The following THOC7 variants were observed in gnomAD, a reference collection of about 807,000 sequenced individuals.
THOC7 encodes THO complex subunit 7.
THOC7 carries 22 observed loss-of-function variants against 33.1 expected under a neutral mutation model. That is an observed-to-expected ratio of 0.66 (90% CI 0.47 to 0.95). THOC7 has a LOEUF of 0.95. THOC7 is among the 40% of genes least tolerant of loss of function. The pLI is 0.00. For missense variants in THOC7, 184 were observed against 245.3 expected (o/e 0.75, Z 1.67); for synonymous variants, 77 against 76.8 (o/e 1.00, Z -0.01).
intron 5 of THOC7, 117 bp downstream of exon 5, chr3:63,836,184 A>G: frequency 1.1e-6 from 1 of 892,904 alleles, no homozygotes; most frequent in Non-Finnish European, 1.7e-6. Context: ...ATAATATTGA[A>G]TATCTGACCC....
chr3:63,835,366 T>C lies in THOC7; in HGVS notation c.435A>G (p.Glu145=), dbSNP rs747974118. Reference sequence around the variant, plus strand: ...CTTTAATGTGTGAAAGATGCTCTAATTCTTTTCCCAGAGCCTCTAGTTCCC... The same window carrying C: ...CTTTAATGTGTGAAAGATGCTCTAACTCTTTTCCCAGAGCCTCTAGTTCCC... ...TLKELEALGK[E]LEHLSHIKES... is the part of the protein sequence containing the mutation. Residue 145 remains glutamate, a synonymous_variant, in exon 6 of 8, where the codon GAA becomes GAG. Transcript: ENST00000295899. 1 of 1,613,430 alleles carries C rather than the reference T, an allele frequency of 6.2e-7. No homozygotes were observed. The highest frequency in any genetic ancestry group is 2.2e-5 in the East Asian group (1 of 44,782).
intron 1 of THOC7, among the ~76,000 whole-genome samples, chr3:63,857,612 T>C (rs1220874988): frequency 6.6e-6 from 1 of 152,142 alleles, no homozygotes; most frequent in East Asian, 1.9e-4. Context: ...ATTAAAACAA[T>C]TTTTAAGGTC....
At chr3:63,855,125 T>C (rs1465154927) in intron 1 of THOC7, among the ~76,000 whole-genome samples, 3 of 152,136 alleles carry the variant, frequency 2.0e-5, no homozygotes, top group Non-Finnish European at 4.4e-5. Flanking sequence ...ATGAGATACA[T>C]ATTTGCTCAT....
chr3:63,847,134 G>A (rs1295176206), intron 1 of THOC7, among the ~76,000 whole-genome samples: 1 of 151,968 alleles, frequency 6.6e-6, no homozygotes, highest in Non-Finnish European at 1.5e-5. Context: ...ATTGGAAAAA[G>A]GACTGCTAAA....
intron 1 of THOC7, chr3:63,848,573 T>C (rs559807800): frequency 6.6e-6 from 1 of 152,318 alleles, no homozygotes; most frequent in South Asian, 2.1e-4. Context: ...TCGGCACATC[T>C]CAGGACCTCC....
intron 1 of THOC7, among the ~76,000 whole-genome samples, chr3:63,850,722 G>T (rs1420724911): frequency 6.6e-6 from 1 of 151,608 alleles, no homozygotes; most frequent in Non-Finnish European, 1.5e-5. Context: ...TAGTAGCTGG[G>T]ATTACAGGTG....
chr3:63,850,789 T>C (rs1322442004), intron 1 of THOC7, among the ~76,000 whole-genome samples: 1 of 151,932 alleles, frequency 6.6e-6, no homozygotes, highest in Non-Finnish European at 1.5e-5. Context: ...TTTCACCATG[T>C]TGGTTAGGCT....
rs143457856 is a variant in THOC7, at chr3:63,839,812, G to T, written c.20-39C>A. On this transcript the variant is annotated intron_variant, in intron 1 of 7. Coordinates refer to ENST00000295899, the MANE Select transcript of THOC7 (RefSeq NM_025075.4). The stretch of plus-strand genomic sequence containing the variant: ...GGGCAATGTTACCATCTGGCTCTTG[G>T]TAACTTTCAAGTACAAATAACCAGT... 15,409 of 1,560,892 alleles carry T rather than the reference G, an allele frequency of 9.9e-3. 112 individuals are homozygous for T. Among genetic ancestry groups the T allele is most frequent in the Non-Finnish European group, 0.01 (11,879 of 1,134,730 alleles).
chr3:63,842,615 A>C (rs968123984), intron 1 of THOC7, among the ~76,000 whole-genome samples: 1 of 152,158 alleles, frequency 6.6e-6, no homozygotes, highest in Non-Finnish European at 1.5e-5. Context: ...ATCAAATACC[A>C]TATGTTCTCA....
chr3:63,836,262 T>A, intron 5 of THOC7, 39 bp downstream of exon 5: 1 of 1,587,850 alleles, frequency 6.3e-7, no homozygotes, highest in Non-Finnish European at 8.6e-7. Flanking sequence ...CATTTATGTA[T>A]AAAGGTTAGT....
chr3:63,863,885 C>T, upstream of THOC7: 8 of 1,173,872 alleles, frequency 6.8e-6, no homozygotes, highest in Non-Finnish European at 6.3e-6. Context: ...GCCGGGTAAA[C>T]AGCCATGGAG....
chr3:63,863,941 GCGCCGCGCCGCGCCGCCGCCGCCGCCGC>G, upstream of THOC7: 1 of 168,918 alleles, frequency 5.9e-6, no homozygotes, highest in Non-Finnish European at 1.0e-5. Flanking sequence ...CGCCTGAGCC[GCGCCGCGCCGCGCCGCCGCCGCCGCCGC>G]CGCCGCCGCG....
intron 1 of THOC7, among the ~76,000 whole-genome samples, chr3:63,862,430 T>C (rs1485182772): frequency 6.6e-6 from 1 of 152,234 alleles, no homozygotes; most frequent in Admixed American, 6.5e-5. Flanking sequence ...CATTAGTCAA[T>C]GTTTCTTTCC....
chr3:63,838,319 T>C, intron 3 of THOC7, 53 bp downstream of exon 3: 2 of 1,255,890 alleles, frequency 1.6e-6, no homozygotes, highest in South Asian at 2.9e-5. Flanking sequence ...AGGTATTGTT[T>C]CCTTTAGACC....
intron 4 of THOC7, 116 bp downstream of exon 4, chr3:63,837,859 AT>A (rs987872105): frequency 2.9e-5 from 24 of 824,274 alleles, no homozygotes; most frequent in African/African-American, 1.1e-4. Context: ...TAAAATTTGG[AT>A]TTTTTTTAAT....
chr3:63,841,772 T>C (rs1157483618), intron 1 of THOC7, among the ~76,000 whole-genome samples: 3 of 152,170 alleles, frequency 2.0e-5, no homozygotes, highest in South Asian at 4.1e-4. Context: ...CTTGAAGAGA[T>C]TAAAATGCAG....
At chr3:63,846,248 A>C (rs1701892204) in intron 1 of THOC7, 1 of 447,890 alleles carries the variant, frequency 2.2e-6, no homozygotes, top group South Asian at 1.6e-5. Context: ...GTTTCCTTAT[A>C]AGAGAATCGT....
chr3:63,863,527 G>A (rs1702289855), intron 1 of THOC7: 2 of 1,192,822 alleles, frequency 1.7e-6, no homozygotes, highest in African/African-American at 3.2e-5. Flanking sequence ...GCTGCCTCCG[G>A]GAGAGCGGAC....
intron 1 of THOC7, among the ~76,000 whole-genome samples, chr3:63,851,519 C>T (rs1702019496): frequency 6.6e-6 from 1 of 152,226 alleles, no homozygotes; most frequent in African/African-American, 2.4e-5. Flanking sequence ...CGTTACCCAA[C>T]CTTGTAAGAG....
Sources: allele counts gnomAD v4.1 joint callset (sites outside exome capture counted in the v4.1 genomes callset), GRCh38; gene constraint gnomAD v4.1.1; transcripts MANE v1.5; gene names NCBI Gene and HGNC (gene_info 2026-07-23, HGNC 2026-07-21).